The following ANK3 variants were observed in gnomAD, a reference collection of about 807,000 sequenced individuals.
The protein encoded by ANK3 is ankyrin-3.
Under a neutral mutation model 370.9 loss-of-function variants are expected in ANK3, and 57 were observed. That is an observed-to-expected ratio of 0.15 (90% CI 0.12 to 0.19). The LOEUF is 0.19. Among genes scored for constraint, ANK3 ranks in the 10% least tolerant of loss-of-function variants. ANK3 has a pLI of 1.00. For synonymous variants in ANK3, 1,929 were observed against 1,946.3 expected (o/e 0.99, Z 0.23); for missense variants, 4,439 against 5,302.1 (o/e 0.84, Z 5.06).
At position 60,036,422 on chromosome 10, in the gene ANK3, A is replaced by ATTTTTTTTTTTTTTTTTTTTTTTTTTTTT. The variant is rs563946588; in HGVS notation, c.*19+6221_*19+6249dup. On this transcript the variant is annotated intron_variant, in intron 43 of 43. Transcript: ENST00000280772. ...CTGCGGAAGAGAGAGGTCAGAGGCA[A>ATTTTTTTTTTTTTTTTTTTTTTTTTTTTT]TTTTTTTTTTTTTTTTTTTTTTTTT... 8.3e-5 allele frequency among the ~76,000 whole-genome samples: 6 copies of ATTTTTTTTTTTTTTTTTTTTTTTTTTTTT among 72,292 alleles called. 2 individuals are homozygous for ATTTTTTTTTTTTTTTTTTTTTTTTTTTTT. Among genetic ancestry groups the ATTTTTTTTTTTTTTTTTTTTTTTTTTTTT allele is most frequent in the African/African-American group, 4.2e-4 (6 of 14,242 alleles). The allele number at this position is 72,292 out of a possible 152,430, so 47.4% of individuals were successfully genotyped here.
In ANK3 at chr10:60,196,565, G is replaced by T. The variant is rs367916566; in HGVS notation, c.1750C>A (p.Leu584Met). ...KYGKLEVANLLLQKSASPDAA... is the reference protein window; with the variant it reads ...KYGKLEVANLMLQKSASPDAA... ...TCTGGAGATGCACTTTTCTGTAGCA[G>T]GAGATTGGCGACTTCAAGCTTTCCA... Residue 584 changes from leucine to methionine, a missense_variant, in exon 15 of 44, where the codon CTG becomes ATG. Coordinates refer to ENST00000280772, the MANE Select transcript of ANK3 (RefSeq NM_020987.5). 217 of 1,613,246 alleles carry T rather than the reference G, an allele frequency of 1.3e-4. No homozygotes were observed. The highest frequency in any genetic ancestry group is 2.5e-4 in the Admixed American group (15 of 59,954).
At chr10:60,591,897 G>C (rs978319400) in intron 2 of ANK3, among the ~76,000 whole-genome samples, 22 of 152,158 alleles carry the variant, frequency 1.4e-4, no homozygotes. Flanking sequence ...CATGGACATA[G>C]AGAGCAGAAG....
At chr10:60,399,732 C>T (rs1428632296) in intron 2 of ANK3, among the ~76,000 whole-genome samples, 1 of 152,162 alleles carries the variant, frequency 6.6e-6, no homozygotes, top group Non-Finnish European at 1.5e-5. Context: ...TAATCAGTAT[C>T]TAGGTTTTGC....
At chr10:60,487,961 G>A (rs1214999580) in intron 2 of ANK3, among the ~76,000 whole-genome samples, 1 of 152,072 alleles carries the variant, frequency 6.6e-6, no homozygotes, top group Admixed American at 6.6e-5. Flanking sequence ...TGATCTGCCT[G>A]CCTTGGTCTC....
intron 43 of ANK3, among the ~76,000 whole-genome samples, chr10:60,034,150 A>T (rs1393042646): frequency 8.4e-6 from 1 of 119,162 alleles, no homozygotes; most frequent in East Asian, 2.3e-4. Flanking sequence ...TCTGTCGCCC[A>T]TGCTGGAATG....
At chr10:60,374,834 T>C (rs1334653961) in intron 1 of ANK3, among the ~76,000 whole-genome samples, 1 of 152,180 alleles carries the variant, frequency 6.6e-6, no homozygotes, top group Non-Finnish European at 1.5e-5. Flanking sequence ...TAAAGTAATA[T>C]GCTATAGATC....
At chr10:60,463,797 A>C (rs1363036188) in intron 2 of ANK3, among the ~76,000 whole-genome samples, 1 of 151,652 alleles carries the variant, frequency 6.6e-6, no homozygotes, top group Admixed American at 6.6e-5. Context: ...TCATGAACAA[A>C]TATAATAAAA....
At chr10:60,196,012 G>C (rs2096580749) in intron 16 of ANK3, 133 bp downstream of exon 16, 3 of 684,612 alleles carry the variant, frequency 4.4e-6, no homozygotes, top group African/African-American at 3.6e-5. Context: ...ATGTCCTAAG[G>C]TGCTTCTATT....
At chr10:60,602,904 T>G (rs767790354) in intron 2 of ANK3, among the ~76,000 whole-genome samples, 6 of 152,168 alleles carry the variant, frequency 3.9e-5, no homozygotes, top group Non-Finnish European at 7.3e-5. Context: ...TCAATAATGA[T>G]TTCAATATAA....
intron 1 of ANK3, among the ~76,000 whole-genome samples, chr10:60,326,135 A>T (rs10994304): frequency 0.21 from 32,159 of 151,868 alleles, 3,633 homozygotes; most frequent in Admixed American, 0.31. Flanking sequence ...TGGAGGGTGG[A>T]GGGTGGGAGG....
At chr10:60,238,217 G>T (rs1322325264) in intron 7 of ANK3, among the ~76,000 whole-genome samples, 1 of 152,148 alleles carries the variant, frequency 6.6e-6, no homozygotes, top group Non-Finnish European at 1.5e-5. Flanking sequence ...TATGAGTAAC[G>T]CTGTGAGCTG....
chr10:60,376,318 GA>G (rs1393131204), intron 1 of ANK3, among the ~76,000 whole-genome samples: 3 of 152,208 alleles, frequency 2.0e-5, no homozygotes, highest in African/African-American at 7.2e-5. Context: ...GGAGGTCTAG[GA>G]AAACAGGTCA....
chr10:60,255,977 ACT>A (rs2097729041), intron 7 of ANK3, among the ~76,000 whole-genome samples: 1 of 151,854 alleles, frequency 6.6e-6, no homozygotes, highest in African/African-American at 2.4e-5. Flanking sequence ...AATGAGATAG[ACT>A]CTGCAACACA....
At chr10:60,317,473 C>T (rs933600854) in intron 1 of ANK3, among the ~76,000 whole-genome samples, 1 of 152,016 alleles carries the variant, frequency 6.6e-6, no homozygotes, top group Non-Finnish European at 1.5e-5. Context: ...TCCTCCTTAG[C>T]CTGCTTGATT....
intron 1 of ANK3, among the ~76,000 whole-genome samples, chr10:60,303,117 C>T (rs2044195197): frequency 6.6e-6 from 1 of 152,092 alleles, no homozygotes; most frequent in African/African-American, 2.4e-5. Context: ...GAAGAAAACA[C>T]AAGGCAAAAG....
intron 2 of ANK3, among the ~76,000 whole-genome samples, chr10:60,511,683 A>T (rs530818557): frequency 6.6e-6 from 1 of 152,078 alleles, no homozygotes; most frequent in East Asian, 1.9e-4. Context: ...CAAGACCTCA[A>T]CTCTCTATGG....
rs577172566 is a variant in ANK3, at chr10:60,640,872, T to C, written c.58-25648A>G. On this transcript the variant is annotated intron_variant, in intron 1 of 43. Transcript: ENST00000373827. ...TTGTCCCTGTTTGCAGATGACATGATTGTATGTCTAGAAAACCCCATTGTC... is the reference window on the plus strand; with the variant it reads ...TTGTCCCTGTTTGCAGATGACATGACTGTATGTCTAGAAAACCCCATTGTC... 3.2e-4 allele frequency among the ~76,000 whole-genome samples: 29 copies of C among 91,560 alleles called. 6 individuals carry two copies. The highest frequency in any genetic ancestry group is 6.1e-4 in the Non-Finnish European group (25 of 41,216). 60.1% of individuals were successfully genotyped at this position (91,560 alleles called of 152,430 possible).
intron 23 of ANK3, 38 bp from the exon 24 acceptor site, chr10:60,139,125 C>T: frequency 1.2e-6 from 2 of 1,600,372 alleles, no homozygotes; most frequent in Non-Finnish European, 1.7e-6. Flanking sequence ...CAAAAGCTTC[C>T]CTTTTGAAAG....
At chr10:60,584,330 A>T (rs1460959420) in intron 2 of ANK3, among the ~76,000 whole-genome samples, 4 of 152,196 alleles carry the variant, frequency 2.6e-5, no homozygotes, top group Non-Finnish European at 5.9e-5. Context: ...AGGAACAATA[A>T]GCACGAGTCT....
Sources: allele counts gnomAD v4.1 joint callset (sites outside exome capture counted in the v4.1 genomes callset), GRCh38; gene constraint gnomAD v4.1.1; transcripts MANE v1.5; gene names NCBI Gene and HGNC (gene_info 2026-07-23, HGNC 2026-07-21).